The following RBFOX3 variants were observed in gnomAD, a reference collection of about 807,000 sequenced individuals.
RBFOX3 encodes RNA binding fox-1 homolog 3.
A neutral mutation model predicts 48.7 loss-of-function variants in RBFOX3; 17 were observed. That is an observed-to-expected ratio of 0.35 (90% CI 0.24 to 0.52). The LOEUF (loss-of-function observed/expected upper bound fraction) is 0.52. RBFOX3 is among the 20% of genes least tolerant of loss of function. The pLI is 0.94. For synonymous variants in RBFOX3, 212 were observed against 209.5 expected (o/e 1.01, Z -0.10); for missense variants, 382 against 497.5 (o/e 0.77, Z 2.21).
chr17:79,320,143 T>A (rs1006209539), intron 2 of RBFOX3, among the ~76,000 whole-genome samples: 1 of 152,194 alleles, frequency 6.6e-6, no homozygotes, highest in African/African-American at 2.4e-5. Context: ...GAGTGGCTGG[T>A]GTCTCCTGAG....
the RBFOX3 span, among the ~76,000 whole-genome samples, chr17:79,656,656 GAAGAGAAGAA>G: frequency 2.6e-5 from 3 of 115,574 alleles, no homozygotes; most frequent in African/African-American, 1.2e-4. Context: ...AGAAAGAAAG[GAAGAGAAGAA>G]AGGAAAGAAG....
intron 2 of RBFOX3, among the ~76,000 whole-genome samples, chr17:79,419,659 C>T (rs1178184914): frequency 6.6e-6 from 1 of 152,218 alleles, no homozygotes; most frequent in East Asian, 1.9e-4. Flanking sequence ...TACCCACCTC[C>T]CACCTGCAGT....
intron 3 of RBFOX3, among the ~76,000 whole-genome samples, chr17:79,244,879 TTCCCTCCCTCCA>T (rs1424393816): frequency 2.0e-5 from 3 of 147,126 alleles, no homozygotes; most frequent in Admixed American, 6.8e-5. Context: ...TTCCCTTTCC[TTCCCTCCCTCCA>T]TCCCTCCCTC....
intron 3 of RBFOX3, among the ~76,000 whole-genome samples, chr17:79,297,006 C>A (rs2145165958): frequency 6.8e-6 from 1 of 147,062 alleles, no homozygotes; most frequent in East Asian, 2.1e-4. Flanking sequence ...CCTCTTCTTT[C>A]TCCTCCTGCC....
chr17:79,103,572 G>A lies in RBFOX3; in HGVS notation c.415-318C>T, dbSNP rs1035101452. On this transcript the variant is annotated intron_variant, in intron 7 of 14. Coordinates refer to ENST00000693108, the MANE Select transcript of RBFOX3 (RefSeq NM_001350451.2). The surrounding 1 kb of genome is among the most constrained non-coding windows in gnomAD (Gnocchi z 6.1). ...TAAGAGACGCCATACCTGACCACAGGCCAGGCCTGCCCCCTGAACCCCACC... is the reference window on the plus strand; with the variant it reads ...TAAGAGACGCCATACCTGACCACAGACCAGGCCTGCCCCCTGAACCCCACC... 6.6e-6 allele frequency among the ~76,000 whole-genome samples: 1 copy of A among 152,160 alleles called. No individual in the cohort carries two copies. The highest frequency in any genetic ancestry group is 1.5e-5 in the Non-Finnish European group (1 of 68,012).
chr17:79,506,556 G>A (rs1232176325), intron 1 of RBFOX3, among the ~76,000 whole-genome samples: 1 of 152,142 alleles, frequency 6.6e-6, no homozygotes, highest in Non-Finnish European at 1.5e-5. Context: ...GCACTGCCCC[G>A]GGCCACAGAG....
At chr17:79,125,751 G>A (rs1476077642) in intron 4 of RBFOX3, among the ~76,000 whole-genome samples, 2 of 152,250 alleles carry the variant, frequency 1.3e-5, no homozygotes, top group African/African-American at 2.4e-5. Context: ...CTGGGCCGGC[G>A]GGGCAGGCTG....
At chr17:79,159,371 G>A (rs2612783) in intron 4 of RBFOX3, among the ~76,000 whole-genome samples, 1 of 151,918 alleles carries the variant, frequency 6.6e-6, no homozygotes, top group African/African-American at 2.4e-5. Context: ...GCCTGCCTGC[G>A]GCCCTGGCTC....
chr17:79,285,923 T>C (rs866920798), intron 3 of RBFOX3, among the ~76,000 whole-genome samples: 75 of 152,308 alleles, frequency 4.9e-4, no homozygotes, highest in African/African-American at 1.5e-3. Flanking sequence ...CCTCAGATGA[T>C]CCACCTACCT....
intron 3 of RBFOX3, among the ~76,000 whole-genome samples, chr17:79,261,773 G>T (rs2148476398): frequency 6.6e-6 from 1 of 152,318 alleles, no homozygotes; most frequent in East Asian, 1.9e-4. Context: ...GATGAAGGCT[G>T]CACACCCCAC....
chr17:79,567,287 G>A (rs1319818327), intron 1 of RBFOX3, among the ~76,000 whole-genome samples: 2 of 147,262 alleles, frequency 1.4e-5, no homozygotes, highest in African/African-American at 2.5e-5. Context: ...AGGTTCAAGC[G>A]ATTCTCCTGA....
chr17:79,253,573 C>T (rs1282731622), intron 3 of RBFOX3, among the ~76,000 whole-genome samples: 1 of 152,052 alleles, frequency 6.6e-6, no homozygotes, highest in Admixed American at 6.6e-5. Context: ...ATTTTTAAAG[C>T]CACATTTGAG....
chr17:79,392,574 T>C lies in RBFOX3; in HGVS notation c.-174-84750A>G, dbSNP rs1038150515. ...CTTAAGTTAGGCACCATCCCGTGACTTGCTTTGCCCAACAAAATGGGAGCA... is the reference window on the plus strand; with the variant it reads ...CTTAAGTTAGGCACCATCCCGTGACCTGCTTTGCCCAACAAAATGGGAGCA... On this transcript the variant is annotated intron_variant, in intron 2 of 14. Coordinates refer to ENST00000693108, the MANE Select transcript of RBFOX3 (RefSeq NM_001350451.2). This position sits in a 1 kb window ranked among gnomAD's most constrained non-coding sequence, Gnocchi z 5.0. 6.6e-6 allele frequency among the ~76,000 whole-genome samples: 1 copy of C among 152,174 alleles called. No homozygotes were observed. The highest frequency in any genetic ancestry group is 1.5e-5 in the Non-Finnish European group (1 of 68,026).
intron 2 of RBFOX3, among the ~76,000 whole-genome samples, chr17:79,396,003 T>C (rs1307311082): frequency 6.6e-6 from 1 of 152,192 alleles, no homozygotes; most frequent in Non-Finnish European, 1.5e-5. Flanking sequence ...CGTTCCAGGA[T>C]CCGGGTCTGG....
At chr17:79,611,183 T>TTCTCTCTCTCTCTCTCTCTCTCTC (rs1196349028), upstream of RBFOX3, among the ~76,000 whole-genome samples, 58 of 41,488 alleles carry the variant, frequency 1.4e-3, 5 homozygotes, top group African/African-American at 0.011. Flanking sequence ...TCCGCCCTCC[T>TTCTCTCTCTCTCTCTCTCTCTCTC]TCTCTCTCTC....
intron 2 of RBFOX3, among the ~76,000 whole-genome samples, chr17:79,370,921 T>A (rs1023202884): frequency 6.6e-6 from 1 of 152,200 alleles, no homozygotes; most frequent in South Asian, 2.1e-4. Context: ...AGTGCCCCCA[T>A]GTGGGGCCAA....
intron 3 of RBFOX3, among the ~76,000 whole-genome samples, chr17:79,245,222 G>A (rs1170937004): frequency 1.3e-5 from 2 of 151,832 alleles, no homozygotes; most frequent in Non-Finnish European, 2.9e-5. Context: ...ACAGGCGTAC[G>A]CCACCACACC....
chr17:79,321,656 A>G (rs1460129319), intron 2 of RBFOX3, among the ~76,000 whole-genome samples: 2 of 151,708 alleles, frequency 1.3e-5, no homozygotes, highest in South Asian at 2.1e-4. Flanking sequence ...GGTGCACAGT[A>G]CAGGATGCCA....
At position 79,089,894 on chromosome 17, in the gene RBFOX3, T is replaced by G. The variant is rs1409469581; in HGVS notation, c.*989A>C. The G allele has an allele frequency of 6.6e-6, 1 of 152,364 alleles. No homozygotes were observed. Among genetic ancestry groups the G allele is most frequent in the African/African-American group, 2.4e-5 (1 of 41,434 alleles). The allele number at this position is 152,364 out of a possible 1,614,324, so 9.4% of individuals were successfully genotyped here. A position where few individuals can be genotyped will look rare whatever the true frequency, so the allele number is the denominator to read the frequency against. ...CCTTGCCCTTCCCATGGGCCCCTGC[T>G]CTGGCTGTGCCCGTCCAGGCCCACA... On this transcript the variant is annotated 3_prime_UTR_variant, in exon 15 of 15. Coordinates refer to ENST00000693108, the MANE Select transcript of RBFOX3 (RefSeq NM_001350451.2).
Sources: gnomAD v4.1 joint callset for allele counts (sites outside exome capture counted in the v4.1 genomes callset) on GRCh38, gnomAD v4.1.1 for gene constraint, Gnocchi (gnomAD v3.1) non-coding constraint, MANE v1.5 for transcripts, NCBI Gene and HGNC (gene_info 2026-07-23, HGNC 2026-07-21) for gene names.